The following BANK1 variants were observed in gnomAD, a reference collection of about 807,000 sequenced individuals.
BANK1 encodes B-cell scaffold protein with ankyrin repeats.
A neutral mutation model predicts 94.5 loss-of-function variants in BANK1; 95 were observed. The observed-to-expected ratio is 1.00, with a 90% CI of 0.85 to 1.19. BANK1 has a LOEUF of 1.19. BANK1 is among the 50% of genes most tolerant of loss of function. BANK1 has a pLI of 0.00. For synonymous variants in BANK1, 334 were observed against 308.4 expected (o/e 1.08, Z -0.87); for missense variants, 987 against 932.2 (o/e 1.06, Z -0.77).
intron 7 of BANK1, among the ~76,000 whole-genome samples, chr4:101,950,348 G>A (rs1724107141): frequency 6.6e-6 from 1 of 152,086 alleles, no homozygotes; most frequent in Non-Finnish European, 1.5e-5. Context: ...GAAGAGTAAA[G>A]TAAGAGGTAC....
intron 3 of BANK1, among the ~76,000 whole-genome samples, chr4:101,859,183 A>G (rs1007277347): frequency 6.6e-6 from 1 of 152,346 alleles, no homozygotes; most frequent in Admixed American, 6.5e-5. Flanking sequence ...AAAAGCAGCA[A>G]AAGATGCTTG....
intron 7 of BANK1, among the ~76,000 whole-genome samples, chr4:101,986,895 G>GTA (rs1253442320): frequency 3.1e-5 from 2 of 64,686 alleles, no homozygotes; most frequent in African/African-American, 1.8e-4. Flanking sequence ...GTGTGTGTGT[G>GTA]TGTGTATATA....
At chr4:101,803,922 C>T (rs1333548433) in intron 1 of BANK1, among the ~76,000 whole-genome samples, 2 of 139,854 alleles carry the variant, frequency 1.4e-5, no homozygotes, top group East Asian at 2.1e-4. Context: ...GGCGTGAACC[C>T]GGGAAGCGGA....
intron 2 of BANK1, among the ~76,000 whole-genome samples, chr4:101,843,520 A>G (rs1046313270): frequency 2.0e-5 from 3 of 152,196 alleles, no homozygotes; most frequent in African/African-American, 7.2e-5. Context: ...ATGCTTTCCC[A>G]TAACCCTGGA....
intron 7 of BANK1, among the ~76,000 whole-genome samples, chr4:101,985,249 G>A (rs922615296): frequency 1.3e-5 from 2 of 152,134 alleles, no homozygotes; most frequent in South Asian, 4.1e-4. Context: ...TTCTTGTTCA[G>A]CCTTTTATTC....
At chr4:102,059,007 T>TC (rs1728327027) in intron 11 of BANK1, among the ~76,000 whole-genome samples, 2 of 152,032 alleles carry the variant, frequency 1.3e-5, no homozygotes. Flanking sequence ...TCCAGAACAA[T>TC]CCCAAGGCTC....
At chr4:102,034,838 A>G (rs1049479869) in intron 10 of BANK1, among the ~76,000 whole-genome samples, 3 of 152,308 alleles carry the variant, frequency 2.0e-5, no homozygotes, top group Middle Eastern at 3.4e-3. Context: ...ACCCAGATTA[A>G]TCTGGATCTC....
At chr4:101,831,347 A>T (rs147912441) in intron 2 of BANK1, among the ~76,000 whole-genome samples, 2 of 152,322 alleles carry the variant, frequency 1.3e-5, no homozygotes, top group African/African-American at 4.8e-5. Context: ...AACCTATATC[A>T]ACCCCAAATG....
rs796782305 is a variant in BANK1 at position 101,826,785 on chromosome 4, T to TA, written c.71-3015dup. ...TTCTCATTCTACATACATAAATATG[T>TA]AAAAAAAAGTTGTTGAATATCTGTT... On this transcript the variant is annotated intron_variant, in intron 1 of 16. Transcript: ENST00000322953. Among the ~76,000 whole-genome samples the TA allele has an allele frequency of 1.3e-4, 19 of 151,872 alleles. No homozygotes were observed. In the South Asian group the frequency reaches 2.7e-3, roughly 22 times the overall value.
intron 7 of BANK1, among the ~76,000 whole-genome samples, chr4:101,950,636 C>T (rs1228496560): frequency 2.6e-5 from 4 of 152,124 alleles, no homozygotes; most frequent in African/African-American, 9.7e-5. Flanking sequence ...GTTTAAAAAA[C>T]GTGAGTTCCA....
At chr4:101,805,122 T>C (rs1441732700) in intron 1 of BANK1, among the ~76,000 whole-genome samples, 1 of 152,202 alleles carries the variant, frequency 6.6e-6, no homozygotes, top group African/African-American at 2.4e-5. Context: ...AATTAAGAAC[T>C]ATTTGACTGC....
chr4:101,853,468 C>T (rs1013974305), intron 2 of BANK1, among the ~76,000 whole-genome samples: 4 of 152,210 alleles, frequency 2.6e-5, no homozygotes, highest in Non-Finnish European at 5.9e-5. Flanking sequence ...TGTACCTGCA[C>T]TTGAAGTATT....
intron 6 of BANK1, 69 bp downstream of exon 6, chr4:101,895,479 T>C (rs1245701366): frequency 2.1e-6 from 2 of 944,580 alleles, no homozygotes; most frequent in Admixed American, 2.3e-5. Flanking sequence ...CTTTAATGAA[T>C]GTTATAACCA....
chr4:101,828,383 T>TTATATATATATATA (rs60877981), intron 1 of BANK1, among the ~76,000 whole-genome samples: 21 of 142,176 alleles, frequency 1.5e-4, no homozygotes, highest in African/African-American at 5.1e-4. Flanking sequence ...ATGAGTGAAT[T>TTATATATATATATA]TATATATATA....
Position 102,060,257 on chromosome 4 carries a change from T to G in BANK1, c.2016T>G (p.Cys672Trp). The G allele has an allele frequency of 6.2e-7, 1 of 1,607,256 alleles. No homozygotes were observed. The highest frequency in any genetic ancestry group is 8.5e-7 in the Non-Finnish European group (1 of 1,177,960). Residue 672 changes from cysteine (C) to tryptophan (W), a missense_variant, in exon 12 of 17, where the codon TGT becomes TGG. Physicochemically the swap from Cys to Trp is radical, Grantham distance 215. Transcript: ENST00000322953. ...ESPAFSTLRG[C>W]LTDGQEELIL... is the part of the protein sequence containing the mutation. The stretch of plus-strand genomic sequence containing the variant: ...CAGCCTTTTCTACTCTCAGGGGCTG[T>G]CTAACTGATGGTCAGGAAGAACTCA...
At chr4:101,902,247 G>A (rs1232777940) in intron 6 of BANK1, among the ~76,000 whole-genome samples, 1 of 152,184 alleles carries the variant, frequency 6.6e-6, no homozygotes, top group Non-Finnish European at 1.5e-5. Flanking sequence ...ACACCTGGTT[G>A]ACTATAAGAA....
chr4:101,820,425 A>C (rs1235635213), intron 1 of BANK1, among the ~76,000 whole-genome samples: 1 of 152,174 alleles, frequency 6.6e-6, no homozygotes, highest in Non-Finnish European at 1.5e-5. Context: ...AGTTGACATT[A>C]CTTGTAAGGC....
At chr4:101,969,733 T>C (rs1412166030) in intron 7 of BANK1, among the ~76,000 whole-genome samples, 1 of 152,100 alleles carries the variant, frequency 6.6e-6, no homozygotes, top group African/African-American at 2.4e-5. Flanking sequence ...ATGGACACCC[T>C]ATTTGTTACT....
chr4:102,011,644 T>A (rs1726516520), intron 7 of BANK1, among the ~76,000 whole-genome samples: 1 of 152,212 alleles, frequency 6.6e-6, no homozygotes, highest in South Asian at 2.1e-4. Context: ...TCCCTTCTAT[T>A]TTGATCTTAC....
Sources: gnomAD v4.1 joint callset for allele counts (sites outside exome capture counted in the v4.1 genomes callset) on GRCh38, gnomAD v4.1.1 for gene constraint, MANE v1.5 for transcripts, NCBI Gene and HGNC (gene_info 2026-07-23, HGNC 2026-07-21) for gene names.